TIPARP: variants seen among roughly 807,000 people sequenced by gnomAD.
The protein encoded by TIPARP is protein mono-ADP-ribosyltransferase TIPARP.
Under a neutral mutation model 56.5 loss-of-function variants are expected in TIPARP, and 12 were observed. That is an observed-to-expected ratio of 0.21 (90% CI 0.14 to 0.34). TIPARP has a LOEUF of 0.34. TIPARP is among the 10% of genes least tolerant of loss of function. TIPARP has a pLI of 1.00. For missense variants in TIPARP, 604 were observed against 781.6 expected (o/e 0.77, Z 2.71); for synonymous variants, 296 against 265.7 (o/e 1.11, Z -1.11).
chr3:156,677,657 G>C lies in TIPARP; in HGVS notation c.-41G>C. ...ATCATCTTCCTTCCTTTCCTCGTAG[G>C]ATTTTTAGACTCTGAGGAGCAGTTG... is the stretch of plus-strand genomic sequence containing the variant. On this transcript the variant is annotated splice_region_variant and 5_prime_UTR_variant, in exon 2 of 6. Coordinates refer to ENST00000295924, the MANE Select transcript of TIPARP (RefSeq NM_015508.5). 1 of 1,505,248 alleles carries C rather than the reference G, an allele frequency of 6.6e-7. No individual in the cohort carries two copies. The highest frequency in any genetic ancestry group is 1.4e-5 in the South Asian group (1 of 72,338). 93.2% of individuals were successfully genotyped at this position (1,505,248 alleles called of 1,614,324 possible).
intron 2 of TIPARP, among the ~76,000 whole-genome samples, chr3:156,680,368 T>C (rs1251749455): frequency 6.6e-6 from 1 of 152,198 alleles, no homozygotes; most frequent in Admixed American, 6.5e-5. Flanking sequence ...TTTAATAAGG[T>C]ATTTTCCAAA....
chr3:156,691,075 C>T (rs1259270783), intron 2 of TIPARP, among the ~76,000 whole-genome samples: 1 of 152,258 alleles, frequency 6.6e-6, no homozygotes, highest in African/African-American at 2.4e-5. Flanking sequence ...GTTCCCATTT[C>T]CTCATCTCTC....
Position 156,677,695 on chromosome 3 carries a change from A to G in TIPARP, c.-3A>G, listed in dbSNP as rs376734114. Reference sequence around the variant, plus strand: ...TGAGGAGCAGTTGGAGCTAATCCACATTATGGAAATGGAAACCACCGAACC... The same window carrying G: ...TGAGGAGCAGTTGGAGCTAATCCACGTTATGGAAATGGAAACCACCGAACC... On this transcript the variant is annotated 5_prime_UTR_variant, in exon 2 of 6. Transcript: ENST00000295924. 5.7e-5 allele frequency: 89 copies of G among 1,572,958 alleles called. No homozygotes were observed. Among genetic ancestry groups the G allele is most frequent in the Non-Finnish European group, 7.3e-5 (85 of 1,164,750 alleles).
In TIPARP at chr3:156,695,892, A is replaced by C. The variant is rs746682952; in HGVS notation, c.1114A>C (p.Asn372His). ...TGTCATTCGATTGATTGAAGAAGCC[A>C]ACTCTCGGGGTCTGAAAGAGGTTCG... ...ESVIRLIEEANSRGLKEVRFM... is the reference protein window; with the variant it reads ...ESVIRLIEEAHSRGLKEVRFM... Residue 372 changes from asparagine to histidine, a missense_variant, in exon 4 of 6, where the codon AAC becomes CAC. By Grantham distance (68) the Asn-to-His change is moderately conservative (BLOSUM62 1). Coordinates refer to ENST00000295924, the MANE Select transcript of TIPARP (RefSeq NM_015508.5). The C allele has an allele frequency of 8.9e-6, 14 of 1,570,298 alleles. No homozygotes were observed. Among genetic ancestry groups the C allele is most frequent in the Non-Finnish European group, 1.7e-6 (2 of 1,165,190 alleles).
chr3:156,695,229 T>TA (rs1722682319), intron 3 of TIPARP, among the ~76,000 whole-genome samples: 3 of 151,902 alleles, frequency 2.0e-5, no homozygotes, highest in Non-Finnish European at 2.9e-5. Flanking sequence ...TTTATTTATT[T>TA]TGAGAGAGAG....
At chr3:156,697,532 A>G (rs1722745874) in intron 4 of TIPARP, among the ~76,000 whole-genome samples, 1 of 151,544 alleles carries the variant, frequency 6.6e-6, no homozygotes, top group South Asian at 2.1e-4. Context: ...TTATACAGGC[A>G]TATCTTGTTT....
intron 2 of TIPARP, among the ~76,000 whole-genome samples, chr3:156,684,540 C>T (rs1163525915): frequency 6.6e-6 from 1 of 152,166 alleles, no homozygotes; most frequent in African/African-American, 2.4e-5. Flanking sequence ...TCAAGCAATT[C>T]TCCTGCCTCA....
chr3:156,680,249 C>A (rs1722260740), intron 2 of TIPARP, among the ~76,000 whole-genome samples: 1 of 152,116 alleles, frequency 6.6e-6, no homozygotes, highest in Non-Finnish European at 1.5e-5. Flanking sequence ...CAAGATTCCA[C>A]CTTGCTTCAG....
At chr3:156,691,440 TGTTA>T (rs1722571985) in intron 2 of TIPARP, among the ~76,000 whole-genome samples, 1 of 152,188 alleles carries the variant, frequency 6.6e-6, no homozygotes, top group Admixed American at 6.6e-5. Context: ...GCTTACATTT[TGTTA>T]GTTATTCCTT....
intron 2 of TIPARP, among the ~76,000 whole-genome samples, chr3:156,679,081 A>C (rs535633323): frequency 9.8e-5 from 15 of 152,314 alleles, no homozygotes; most frequent in Non-Finnish European, 1.6e-4. Flanking sequence ...TGGTATAAAC[A>C]TCTTTTCTGT....
intron 2 of TIPARP, among the ~76,000 whole-genome samples, chr3:156,693,452 T>G (rs1722629555): frequency 6.6e-6 from 1 of 152,128 alleles, no homozygotes; most frequent in African/African-American, 2.4e-5. Context: ...TTTCTTCATG[T>G]TTTGCCAACA....
chr3:156,676,708 A>G (rs1242202347), intron 1 of TIPARP: 1 of 152,168 alleles, frequency 6.6e-6, no homozygotes, highest in Non-Finnish European at 1.5e-5. Flanking sequence ...AATGTTTTCA[A>G]ATTTCAGTTT....
At chr3:156,676,136 G>C (rs1376730035) in intron 1 of TIPARP, among the ~76,000 whole-genome samples, 1 of 152,218 alleles carries the variant, frequency 6.6e-6, no homozygotes, top group South Asian at 2.1e-4. Flanking sequence ...ACCACAATCT[G>C]TGCCAATTGT....
intron 2 of TIPARP, among the ~76,000 whole-genome samples, chr3:156,688,200 C>A (rs567061325): frequency 2.8e-4 from 43 of 151,952 alleles, no homozygotes; most frequent in African/African-American, 1.0e-3. Context: ...CATGGCGAAA[C>A]CTTGTCTCTA....
chr3:156,676,218 C>T (rs943561364), intron 1 of TIPARP, among the ~76,000 whole-genome samples: 3 of 152,224 alleles, frequency 2.0e-5, no homozygotes, highest in African/African-American at 7.2e-5. Context: ...ATTTATGTCT[C>T]ATGTCAGATC....
chr3:156,689,819 T>C (rs1722521084), intron 2 of TIPARP, among the ~76,000 whole-genome samples: 1 of 152,240 alleles, frequency 6.6e-6, no homozygotes, highest in South Asian at 2.1e-4. Flanking sequence ...CTGCCTCCCA[T>C]TGTTTGCCTG....
At chr3:156,683,974 C>T (rs1042924715) in intron 2 of TIPARP, among the ~76,000 whole-genome samples, 2 of 152,170 alleles carry the variant, frequency 1.3e-5, no homozygotes, top group African/African-American at 4.8e-5. Flanking sequence ...GACCTTAAGT[C>T]CTCTTAACCT....
rs777916301 is a variant in TIPARP, at chr3:156,674,625, G to A, written c.-213G>A. On this transcript the variant is annotated 5_prime_UTR_variant, in exon 1 of 6. Coordinates refer to ENST00000295924, the MANE Select transcript of TIPARP (RefSeq NM_015508.5). ...GTGACAGGCGAGCTGGCTGGACTCGGAGCGCGGTCGAGGCTTTCTGCGTTC... is the reference window on the plus strand; with the variant it reads ...GTGACAGGCGAGCTGGCTGGACTCGAAGCGCGGTCGAGGCTTTCTGCGTTC... The A allele has an allele frequency of 6.5e-6, 1 of 152,806 alleles. No individual in the cohort carries two copies. Among genetic ancestry groups the A allele is most frequent in the African/African-American group, 2.4e-5 (1 of 41,594 alleles). The allele number at this position is 152,806 out of a possible 1,614,324, so 9.5% of individuals were successfully genotyped here. A position where few individuals can be genotyped will look rare whatever the true frequency, so the allele number is the denominator to read the frequency against.
At chr3:156,694,301 A>T in intron 3 of TIPARP, 113 bp downstream of exon 3, 2 of 901,056 alleles carry the variant, frequency 2.2e-6, no homozygotes, top group Admixed American at 6.4e-5. Context: ...CATATAATCA[A>T]ACAGCTTATG....
Sources: gnomAD v4.1 joint callset for allele counts (sites outside exome capture counted in the v4.1 genomes callset) on GRCh38, gnomAD v4.1.1 for gene constraint, MANE v1.5 for transcripts, NCBI Gene and HGNC (gene_info 2026-07-23, HGNC 2026-07-21) for gene names.